GP6: variants seen among roughly 807,000 people sequenced by gnomAD.
GP6 encodes the protein glycoprotein VI platelet, also known as platelet glycoprotein VI.
A neutral mutation model predicts 37.3 loss-of-function variants in GP6; 45 were observed. The ratio of observed to expected loss-of-function variants is 1.21; its 90% CI spans 0.95 to 1.55. The LOEUF (loss-of-function observed/expected upper bound fraction) is 1.55. Ranked by LOEUF, GP6 falls within the 40% of genes most tolerant of loss-of-function variation. GP6 has a pLI of 0.00. For synonymous variants in GP6, 340 were observed against 316.4 expected (o/e 1.07, Z -0.79); for missense variants, 813 against 760.2 (o/e 1.07, Z -0.82).
chr19:55,031,416 C>T (rs192987621), intron 3 of GP6, among the ~76,000 whole-genome samples: 51 of 152,200 alleles, frequency 3.4e-4, no homozygotes, highest in African/African-American at 1.1e-3. Context: ...CACTGCACTC[C>T]GGCCTGGGCA....
intron 1 of GP6, among the ~76,000 whole-genome samples, chr19:55,036,595 A>G (rs974231048): frequency 6.6e-6 from 1 of 152,164 alleles, no homozygotes; most frequent in Non-Finnish European, 1.5e-5. Context: ...GATACTCAGG[A>G]GGCTGATGGG....
Position 55,015,719 on chromosome 19 carries a change from T to C in GP6, c.739A>G (p.Ile247Val). 1 of 1,563,308 alleles carries C rather than the reference T, an allele frequency of 6.4e-7. No homozygotes were observed. The highest frequency in any genetic ancestry group is 8.8e-7 in the Non-Finnish European group (1 of 1,133,334). The change falls in exon 7 of 8, where the codon ATC becomes GTC. Residue 247 changes from isoleucine to valine, a missense_variant. Transcript: ENST00000310373. ...TCTGACTCCTTTGGACTGGCGGTGA[T>C]ACTCCTAGAAGTCTCTGGGAACCAA...
chr19:55,019,930 A>G (rs1440722527), intron 5 of GP6, among the ~76,000 whole-genome samples: 3 of 152,154 alleles, frequency 2.0e-5, no homozygotes, highest in Admixed American at 1.3e-4. Context: ...CACCCGCCTC[A>G]GCCTCCCAAA....
intron 4 of GP6, 86 bp downstream of exon 4, chr19:55,027,492 C>G: frequency 2.7e-6 from 3 of 1,108,796 alleles, no homozygotes; most frequent in Admixed American, 1.7e-5. Context: ...CCTCCCACTT[C>G]CTTCCCACTT....
At chr19:55,028,909 A>G (rs1050551346) in intron 3 of GP6, among the ~76,000 whole-genome samples, 17 of 152,078 alleles carry the variant, frequency 1.1e-4, no homozygotes, top group Admixed American at 9.8e-4. Flanking sequence ...CCAAGGTGGG[A>G]GGATCGCTTG....
chr19:55,019,447 AAT>A (rs2073996763), intron 5 of GP6, among the ~76,000 whole-genome samples: 1 of 152,190 alleles, frequency 6.6e-6, no homozygotes, highest in African/African-American at 2.4e-5. Context: ...TCCCACCAGC[AAT>A]ATAAGAAGGT....
intron 4 of GP6, among the ~76,000 whole-genome samples, chr19:55,026,029 G>C (rs2074290546): frequency 6.8e-6 from 1 of 146,624 alleles, no homozygotes; most frequent in South Asian, 2.1e-4. Context: ...AAAAGCAGCA[G>C]CATTTGTAAA....
chr19:55,033,119 T>C (rs111971852), intron 1 of GP6, among the ~76,000 whole-genome samples: 15 of 66,994 alleles, frequency 2.2e-4, no homozygotes, highest in East Asian at 6.6e-4. Context: ...TTAGACACGG[T>C]GGGTTCGTTC....
At chr19:55,024,167 C>T (rs1370051690) in intron 5 of GP6, among the ~76,000 whole-genome samples, 2 of 152,210 alleles carry the variant, frequency 1.3e-5, no homozygotes, top group African/African-American at 4.8e-5. Context: ...AAAAAGAGCA[C>T]ATGGGATTCT....
At position 55,014,509 on chromosome 19, in the gene GP6, G is replaced by C. The variant is rs754904771; in HGVS notation, c.1436C>G (p.Pro479Arg). ...GGGGAAAACCAGACAAGAGCACAGA[G>C]GGCCAAAGGGAAGCACGGGAGGATT... is the stretch of plus-strand genomic sequence containing the variant. Residue 479 changes from proline to arginine, a missense_variant, in exon 8 of 8, where the codon CCT (proline) becomes CGT (arginine). Transcript: ENST00000310373. The C allele has an allele frequency of 6.2e-7, 1 of 1,614,026 alleles. No homozygotes were observed. The highest frequency in any genetic ancestry group is 8.5e-7 in the Non-Finnish European group (1 of 1,179,890).
chr19:55,018,821 C>G, intron 5 of GP6, 110 bp from the exon 6 acceptor site: 2 of 786,970 alleles, frequency 2.5e-6, no homozygotes, highest in Non-Finnish European at 4.6e-6. Context: ...TTCTCTGACA[C>G]ACTGCACAGA....
rs527330221 is a variant in GP6 at position 55,014,910 on chromosome 19, G to A, written c.1035C>T (p.Pro345=). 30 of 1,613,654 alleles carry A rather than the reference G, an allele frequency of 1.9e-5. No individual in the cohort carries two copies. In the African/African-American group the frequency reaches 3.1e-4, roughly 16 times the overall value. The stretch of plus-strand genomic sequence containing the variant: ...CCTCCCTTGGATACGACCGTGCCTG[G>A]GGTTCAGCGGTCATGAACATAACCC... The change falls in exon 8 of 8, where the codon CCC becomes CCT. Residue 345 remains proline, a synonymous_variant. Transcript: ENST00000310373.
chr19:55,030,425 G>A (rs538283223), intron 3 of GP6, among the ~76,000 whole-genome samples: 2 of 151,450 alleles, frequency 1.3e-5, no homozygotes, highest in African/African-American at 2.4e-5. Flanking sequence ...TCGGCTCACC[G>A]CCTCCCAGGT....
At chr19:55,035,789 T>C (rs941511395) in intron 1 of GP6, among the ~76,000 whole-genome samples, 1 of 152,060 alleles carries the variant, frequency 6.6e-6, no homozygotes, top group Non-Finnish European at 1.5e-5. Flanking sequence ...AAATAATGTC[T>C]TTTGGCCAGG....
rs755152911 is a variant in GP6 at position 55,032,129 on chromosome 19, C to T, written c.325+10G>A. On this transcript the variant is annotated intron_variant, in intron 3 of 7. Coordinates refer to ENST00000310373, the MANE Select transcript of GP6 (RefSeq NM_001083899.2). Reference sequence around the variant, plus strand: ...CACGCAGTCCCAGGCTCCGATCCCCCTTCCTTTACCCGTGGCAACGAGCTC... The same window carrying T: ...CACGCAGTCCCAGGCTCCGATCCCCTTTCCTTTACCCGTGGCAACGAGCTC... 2.5e-6 allele frequency: 4 copies of T among 1,613,228 alleles called. No homozygotes were observed. The highest frequency in any genetic ancestry group is 2.2e-5 in the South Asian group (2 of 91,072).
At chr19:55,029,362 ATATATATATAT>A (rs2074466444) in intron 3 of GP6, among the ~76,000 whole-genome samples, 3 of 2,532 alleles carry the variant, frequency 1.2e-3, no homozygotes, top group African/African-American at 4.7e-3. Flanking sequence ...ATATATATAT[ATATATATATAT>A]ATTTTTTTTT....
chr19:55,023,490 TG>T (rs1295543758), intron 5 of GP6, among the ~76,000 whole-genome samples: 1 of 152,152 alleles, frequency 6.6e-6, no homozygotes, highest in African/African-American at 2.4e-5. Flanking sequence ...ATCTGGCTAT[TG>T]CAAAGTGTGG....
intron 4 of GP6, 141 bp downstream of exon 4, chr19:55,027,437 T>C (rs2074345565): frequency 1.6e-6 from 1 of 614,402 alleles, no homozygotes; most frequent in African/African-American, 2.1e-5. Context: ...CCCTCCCACT[T>C]CCTTCCCACC....
chr19:55,030,494 G>A (rs368348104), intron 3 of GP6, among the ~76,000 whole-genome samples: 6 of 151,544 alleles, frequency 4.0e-5, no homozygotes, highest in African/African-American at 1.2e-4. Context: ...GTGCGCCACC[G>A]CGCCCAGCTA....
Sources: gnomAD v4.1 joint callset for allele counts (sites outside exome capture counted in the v4.1 genomes callset) on GRCh38, gnomAD v4.1.1 for gene constraint, MANE v1.5 for transcripts, NCBI Gene and HGNC (gene_info 2026-07-23, HGNC 2026-07-21) for gene names.